The following KCNB2 variants were observed in gnomAD, a reference collection of about 807,000 sequenced individuals.
KCNB2 encodes potassium voltage-gated channel subfamily B member 2, also known as delayed rectifier potassium channel protein.
In KCNB2, 15 loss-of-function variants were observed where a neutral mutation model predicts 61.5. The ratio of observed to expected loss-of-function variants is 0.24; its 90% CI spans 0.16 to 0.38. The LOEUF is 0.38. Among genes scored for constraint, KCNB2 ranks in the 10% least tolerant of loss-of-function variants. The pLI is 1.00. For missense variants in KCNB2, 828 were observed against 1,125.2 expected, an observed-to-expected ratio of 0.74 and a Z score of 3.78; for synonymous variants, 457 against 446.0, an observed-to-expected ratio of 1.02 and a Z score of -0.31.
intron 2 of KCNB2, among the ~76,000 whole-genome samples, chr8:72,594,947 G>A (rs964937638): frequency 2.6e-5 from 4 of 152,120 alleles, no homozygotes; most frequent in African/African-American, 9.7e-5. Context: ...AGCCAACAGA[G>A]GAGACAGAAA....
chr8:72,796,459 T>G (rs1317063102), intron 2 of KCNB2, among the ~76,000 whole-genome samples: 1 of 152,212 alleles, frequency 6.6e-6, no homozygotes, highest in Non-Finnish European at 1.5e-5. Flanking sequence ...TTTCCAAATA[T>G]ATAAAAAATA....
chr8:72,652,857 A>T (rs1276535419), intron 2 of KCNB2, among the ~76,000 whole-genome samples: 1 of 152,172 alleles, frequency 6.6e-6, no homozygotes, highest in Admixed American at 6.5e-5. Flanking sequence ...GTGGCTCAAA[A>T]TAACAGGAAT....
intron 2 of KCNB2, among the ~76,000 whole-genome samples, chr8:72,830,712 C>G (rs926076069): frequency 6.6e-6 from 1 of 152,194 alleles, no homozygotes. Flanking sequence ...GCATGCCTGT[C>G]CTTCCATAGG....
intron 2 of KCNB2, among the ~76,000 whole-genome samples, chr8:72,645,327 G>A (rs188003490): frequency 2.0e-5 from 3 of 152,252 alleles, no homozygotes; most frequent in Admixed American, 2.0e-4. Context: ...CATATATTCT[G>A]TGGTTGGAAT....
At chr8:72,781,473 T>A (rs1192350795) in intron 2 of KCNB2, among the ~76,000 whole-genome samples, 1 of 152,192 alleles carries the variant, frequency 6.6e-6, no homozygotes, top group Non-Finnish European at 1.5e-5. Flanking sequence ...AAATAGGGAA[T>A]CCTTTCCACA....
chr8:72,778,729 C>T (rs1808699634), intron 2 of KCNB2, among the ~76,000 whole-genome samples: 1 of 11,682 alleles, frequency 8.6e-5, no homozygotes, highest in Non-Finnish European at 1.4e-4. Context: ...GGCCACAGAG[C>T]GAGCAAAAAA....
chr8:72,912,038 C>G (rs1002380369), intron 2 of KCNB2, among the ~76,000 whole-genome samples: 10 of 152,166 alleles, frequency 6.6e-5, no homozygotes, highest in African/African-American at 2.4e-4. Flanking sequence ...TTAGTTGTCA[C>G]TATTAAATAT....
chr8:72,621,960 A>G (rs1167498884), intron 2 of KCNB2, among the ~76,000 whole-genome samples: 3 of 152,194 alleles, frequency 2.0e-5, no homozygotes, highest in African/African-American at 7.2e-5. Flanking sequence ...CACCTGCTCT[A>G]TTAGACCCTC....
intron 2 of KCNB2, among the ~76,000 whole-genome samples, chr8:72,717,220 GA>G (rs1563569253): frequency 6.6e-6 from 1 of 152,224 alleles, no homozygotes; most frequent in African/African-American, 2.4e-5. Flanking sequence ...TCAATATTGT[GA>G]AAATGGCCAT....
intron 2 of KCNB2, among the ~76,000 whole-genome samples, chr8:72,671,316 G>A (rs1806560752): frequency 6.6e-6 from 1 of 152,094 alleles, no homozygotes; most frequent in Non-Finnish European, 1.5e-5. Flanking sequence ...TAATAATATT[G>A]TTGCAAGTTA....
chr8:72,779,026 G>T (rs1042890398), intron 2 of KCNB2, among the ~76,000 whole-genome samples: 1 of 152,084 alleles, frequency 6.6e-6, no homozygotes, highest in Non-Finnish European at 1.5e-5. Context: ...TTGTTGGATT[G>T]CTGAGCTCTG....
intron 2 of KCNB2, among the ~76,000 whole-genome samples, chr8:72,785,405 G>T (rs1204708979): frequency 6.6e-6 from 1 of 152,150 alleles, no homozygotes; most frequent in Non-Finnish European, 1.5e-5. Context: ...GGACTGTCAA[G>T]TTCATCCTTG....
chr8:72,715,979 T>C (rs1807430831), intron 2 of KCNB2, among the ~76,000 whole-genome samples: 1 of 152,064 alleles, frequency 6.6e-6, no homozygotes, highest in South Asian at 2.1e-4. Flanking sequence ...ACAAAGGGGA[T>C]ATCACCACCG....
intron 1 of KCNB2, among the ~76,000 whole-genome samples, chr8:72,554,875 T>C (rs1382370380): frequency 1.3e-5 from 2 of 152,072 alleles, no homozygotes; most frequent in Non-Finnish European, 2.9e-5. Context: ...AATTGTAACG[T>C]GATAGTAGAT....
chr8:72,660,687 T>G (rs1400336740), intron 2 of KCNB2: 2 of 152,210 alleles, frequency 1.3e-5, no homozygotes, highest in Non-Finnish European at 2.9e-5. Flanking sequence ...TAACAGTAAT[T>G]TACTAGAGTT....
intron 2 of KCNB2, among the ~76,000 whole-genome samples, chr8:72,789,832 C>T (rs1363881466): frequency 6.6e-6 from 1 of 151,870 alleles, no homozygotes; most frequent in Non-Finnish European, 1.5e-5. Context: ...CTATAGTAGG[C>T]CAAGCAGGAG....
Position 72,732,578 on chromosome 8 carries a change from A to C in KCNB2, c.579+164265A>C, listed in dbSNP as rs60720246. ...GGATTTTTGACTGCAAGAATTGATG[A>C]GCTAAGAAAGTACTTAGAAGCACCT... On this transcript the variant is annotated intron_variant, in intron 2 of 2. Coordinates refer to ENST00000523207, the MANE Select transcript of KCNB2 (RefSeq NM_004770.3). Among the ~76,000 whole-genome samples, 981 of 152,330 alleles carry C rather than the reference A, an allele frequency of 6.4e-3. 10 individuals are homozygous for C. The highest frequency in any genetic ancestry group is 0.022 in the African/African-American group (924 of 41,564).
intron 2 of KCNB2, among the ~76,000 whole-genome samples, chr8:72,736,158 C>T (rs767845528): frequency 1.3e-5 from 1 of 76,532 alleles, no homozygotes; most frequent in African/African-American, 7.2e-5. Context: ...TGTATAATTA[C>T]ACAACTTAAT....
At chr8:72,678,708 T>A (rs1472870775) in intron 2 of KCNB2, among the ~76,000 whole-genome samples, 4 of 152,230 alleles carry the variant, frequency 2.6e-5, no homozygotes, top group Non-Finnish European at 5.9e-5. Flanking sequence ...TCAGGGATTT[T>A]GTTTGTATCA....
Sources: gnomAD v4.1 joint callset for allele counts (sites outside exome capture counted in the v4.1 genomes callset) on GRCh38, gnomAD v4.1.1 for gene constraint, MANE v1.5 for transcripts, NCBI Gene and HGNC (gene_info 2026-07-23, HGNC 2026-07-21) for gene names.